Variants in MBD5 observed in about 807,000 individuals in gnomAD.
The protein encoded by MBD5 is methyl-CpG-binding domain protein 5.
A neutral mutation model predicts 117.3 loss-of-function variants in MBD5; 13 were observed. The ratio of observed to expected loss-of-function variants is 0.11; its 90% CI spans 0.07 to 0.18. MBD5 has a LOEUF of 0.18. Among genes scored for constraint, MBD5 ranks in the 10% least tolerant of loss-of-function variants. The pLI is 1.00. For missense variants in MBD5, 1,879 were observed against 2,093.8 expected (o/e 0.90, Z 2.00); for synonymous variants, 727 against 766.4 (o/e 0.95, Z 0.85).
chr2:148,489,220 C>T (rs1259862326), intron 10 of MBD5, among the ~76,000 whole-genome samples, 166 bp from the exon 11 acceptor site: 2 of 152,176 alleles, frequency 1.3e-5, no homozygotes, highest in African/African-American at 2.4e-5. Flanking sequence ...CATAAGCTTT[C>T]CTATACAAAG....
At position 148,339,636 on chromosome 2, in the gene MBD5, C is replaced by T. The variant is rs1574307622; in HGVS notation, c.-679-2578C>T. 2.0e-5 allele frequency among the ~76,000 whole-genome samples: 3 copies of T among 152,208 alleles called. No individual in the cohort carries two copies. The East Asian group carries it at 5.8e-4, about 29-fold the overall frequency. ...GAAGGCCATCCAAGCACTGTACTTT[C>T]TCCCTCACCCCTAAGAGCAGGGACA... is the stretch of plus-strand genomic sequence containing the variant. On this transcript the variant is annotated intron_variant, in intron 3 of 13. Transcript: ENST00000642680.
At chr2:148,315,945 A>G (rs1702147696) in intron 3 of MBD5, among the ~76,000 whole-genome samples, 1 of 152,248 alleles carries the variant, frequency 6.6e-6, no homozygotes, top group Non-Finnish European at 1.5e-5. Flanking sequence ...ATTGACTCAC[A>G]GTTCCATAGG....
At chr2:148,239,916 G>T (rs7565035) in intron 3 of MBD5, among the ~76,000 whole-genome samples, 71,982 of 151,728 alleles carry the variant, frequency 0.47, 17,338 homozygotes, top group East Asian at 0.71. Flanking sequence ...CCATTACTGG[G>T]TATATACCCA....
intron 1 of MBD5, among the ~76,000 whole-genome samples, chr2:148,036,520 G>T (rs1222597685): frequency 6.6e-6 from 1 of 152,092 alleles, no homozygotes; most frequent in East Asian, 1.9e-4. Flanking sequence ...AATGGGTGTA[G>T]ACAATTAAAG....
intron 1 of MBD5, among the ~76,000 whole-genome samples, chr2:148,117,759 A>G (rs1247202944): frequency 6.6e-6 from 1 of 152,180 alleles, no homozygotes; most frequent in Non-Finnish European, 1.5e-5. Context: ...TATGCCTTCA[A>G]TGGATTATCT....
intron 1 of MBD5, among the ~76,000 whole-genome samples, chr2:148,039,724 G>T (rs1694302063): frequency 6.6e-6 from 1 of 152,208 alleles, no homozygotes; most frequent in Admixed American, 6.5e-5. Context: ...GAGTCTATAT[G>T]AAAATACTAC....
intron 1 of MBD5, among the ~76,000 whole-genome samples, chr2:148,129,528 C>T (rs1696985063): frequency 6.6e-6 from 1 of 151,818 alleles, no homozygotes; most frequent in Admixed American, 6.6e-5. Flanking sequence ...AAATAGTGAC[C>T]CAGATATACT....
chr2:148,228,065 A>C (rs1442469942), intron 2 of MBD5, among the ~76,000 whole-genome samples: 1 of 152,318 alleles, frequency 6.6e-6, no homozygotes, highest in Middle Eastern at 3.4e-3. Context: ...AACAGGGATG[A>C]TTTGACTTCC....
At chr2:148,459,217 T>C (rs1454073740) in intron 5 of MBD5, among the ~76,000 whole-genome samples, 1 of 152,122 alleles carries the variant, frequency 6.6e-6, no homozygotes, top group East Asian at 1.9e-4. Context: ...TCCTTCAGAG[T>C]GTGTCAGCTG....
At chr2:148,252,974 G>A (rs79039545) in intron 3 of MBD5, among the ~76,000 whole-genome samples, 19,291 of 152,164 alleles carry the variant, frequency 0.13, 1,484 homozygotes, top group Non-Finnish European at 0.18. Context: ...TGTTATGGAC[G>A]TTTTTCTCTA....
intron 3 of MBD5, among the ~76,000 whole-genome samples, chr2:148,249,492 CT>C (rs1015174162): frequency 9.9e-5 from 15 of 152,206 alleles, no homozygotes; most frequent in South Asian, 4.2e-4. Flanking sequence ...ACTTTCATAT[CT>C]TTTTCTCTAC....
rs145253822 is a variant in MBD5, at chr2:148,504,764, C to T, written c.5036+2255C>T. The stretch of plus-strand genomic sequence containing the variant: ...ATCAGCCACACAAAGGAAACAAAGA[C>T]GAAGATGGGGTGGGATAGTGTTTAG... On this transcript the variant is annotated intron_variant, in intron 12 of 13. Transcript: ENST00000642680. Among the ~76,000 whole-genome samples the T allele has an allele frequency of 2.8e-4, 42 of 152,164 alleles. 1 individual carries two copies. In the East Asian group the frequency reaches 5.2e-3, roughly 19 times the overall value.
intron 10 of MBD5, 118 bp from the exon 11 acceptor site, chr2:148,489,268 A>T: frequency 9.2e-4 from 705 of 765,564 alleles, no homozygotes; most frequent in Non-Finnish European, 1.4e-3. Flanking sequence ...TGTTCTTTAT[A>T]TTTCCTTCCT....
chr2:148,060,716 ATT>A (rs1053632522), intron 1 of MBD5, among the ~76,000 whole-genome samples: 18 of 152,228 alleles, frequency 1.2e-4, no homozygotes, highest in Admixed American at 8.5e-4. Flanking sequence ...ATAGGGTATG[ATT>A]ATTTTGTTCT....
intron 1 of MBD5, among the ~76,000 whole-genome samples, chr2:148,066,000 A>C (rs1428767047): frequency 6.6e-6 from 1 of 152,176 alleles, no homozygotes; most frequent in African/African-American, 2.4e-5. Flanking sequence ...CACTGGGTAG[A>C]TTTATAAGCA....
chr2:148,445,298 C>A (rs13017424), intron 4 of MBD5, among the ~76,000 whole-genome samples: 6 of 150,728 alleles, frequency 4.0e-5, no homozygotes, highest in Admixed American at 2.0e-4. Context: ...CCCCCCACCC[C>A]ATGACAGGCC....
At chr2:148,150,675 TC>T (rs1392997609) in intron 1 of MBD5, among the ~76,000 whole-genome samples, 1 of 151,992 alleles carries the variant, frequency 6.6e-6, no homozygotes, top group Non-Finnish European at 1.5e-5. Context: ...TAAGTTGGAT[TC>T]CTAGGTATTT....
At position 148,469,669 on chromosome 2, in the gene MBD5, G is replaced by T. The variant is rs1478302810; in HGVS notation, c.1726G>T (p.Ala576Ser). The change falls in exon 8 of 14, where the codon GCA becomes TCA. Residue 576 changes from alanine to serine, a missense_variant. Physicochemically the swap from Ala to Ser is moderately conservative, Grantham distance 99. Around this residue, in one of 4 missense-constraint regions of MBD5, gnomAD observed 1,666 missense variants for 1,792.2 expected, o/e 0.93. Transcript: ENST00000642680. ...CCAGCACAATGCTGCCTCCTTTCCAGCAAGTAGTTTACTCTCAGCAGCAGC... is the reference window on the plus strand; with the variant it reads ...CCAGCACAATGCTGCCTCCTTTCCATCAAGTAGTTTACTCTCAGCAGCAGC... ...LNQHNAASFP[A>S]SSLLSAAAKA... 6.2e-7 allele frequency: 1 copy of T among 1,613,938 alleles called. No homozygotes were observed. Among genetic ancestry groups the T allele is most frequent in the South Asian group, 1.1e-5 (1 of 91,084 alleles).
chr2:148,357,886 T>TC (rs1559038221), intron 4 of MBD5, among the ~76,000 whole-genome samples: 2 of 152,072 alleles, frequency 1.3e-5, no homozygotes, highest in Non-Finnish European at 2.9e-5. Flanking sequence ...TCAGTAAATC[T>TC]CCCCATTTTC....
Sources: allele counts gnomAD v4.1 joint callset (sites outside exome capture counted in the v4.1 genomes callset), GRCh38; gene constraint gnomAD v4.1.1; regional missense constraint gnomAD v4.1.1; transcripts MANE v1.5; gene names NCBI Gene and HGNC (gene_info 2026-07-23, HGNC 2026-07-21).